PLCD1: variants seen among roughly 807,000 people sequenced by gnomAD.
The protein encoded by PLCD1 is 1-phosphatidylinositol 4,5-bisphosphate phosphodiesterase delta-1.
Under a neutral mutation model 87.4 loss-of-function variants are expected in PLCD1, and 71 were observed. The observed-to-expected ratio is 0.81, with a 90% CI of 0.67 to 0.99. The LOEUF is 0.99. Among genes scored for constraint, PLCD1 ranks in the 50% least tolerant of loss-of-function variants. The pLI, the probability that PLCD1 is intolerant of heterozygous loss-of-function variation, is 0.00. For missense variants in PLCD1, 867 were observed against 1,001.5 expected (o/e 0.87, Z 1.81); for synonymous variants, 348 against 399.2 (o/e 0.87, Z 1.53).
Position 38,010,209 on chromosome 3 carries a change from G to T in PLCD1, c.1059C>A (p.Ile353=). ...AAGTGAAAGTATAGCCGTGGTAGAT[G>T]ATTGGTTCCTGGTTGGGCCCGTCCC... ...DCWDGPNQEP[I]IYHGYTFTSK... The change falls in exon 7 of 15, where the codon ATC becomes ATA. Residue 353 remains isoleucine (I), a synonymous_variant. Transcript: ENST00000334661. 1 of 1,614,234 alleles carries T rather than the reference G, an allele frequency of 6.2e-7. No homozygotes were observed. The highest frequency in any genetic ancestry group is 2.2e-5 in the East Asian group (1 of 44,882).
At position 38,024,904 on chromosome 3, in the gene PLCD1, G is replaced by A. The variant is rs555725380; in HGVS notation, c.35-4552C>T. On this transcript the variant is annotated intron_variant, in intron 1 of 14. Coordinates refer to ENST00000334661, the MANE Select transcript of PLCD1 (RefSeq NM_006225.4). ...GGTGTCGAGGCGTGGGTGGGGATGG[G>A]GGTGGATCCAGAACCCAGGAGGCGG... 197 of 325,258 alleles carry A rather than the reference G, an allele frequency of 6.1e-4. 4 individuals carry two copies. The highest frequency in any genetic ancestry group is 7.4e-4 in the South Asian group (27 of 36,542). 20.1% of individuals were successfully genotyped at this position (325,258 alleles called of 1,614,324 possible).
At chr3:38,010,702 GAT>G (rs1359799912) in intron 5 of PLCD1, 140 bp from the exon 6 acceptor site, 1 of 692,208 alleles carries the variant, frequency 1.4e-6, no homozygotes, top group Non-Finnish European at 2.5e-6. Flanking sequence ...TTGGAATTAG[GAT>G]AAGTCTGAGG....
At chr3:38,024,723 G>A in intron 1 of PLCD1, 2 of 1,423,582 alleles carry the variant, frequency 1.4e-6, no homozygotes, top group East Asian at 3.0e-5. Flanking sequence ...GGTGAGGCGA[G>A]AGCGAAACCG....
Position 38,007,581 on chromosome 3 carries a change from T to A in PLCD1, c.*192A>T, listed in dbSNP as rs901397770. 4 of 700,116 alleles carry A rather than the reference T, an allele frequency of 5.7e-6. No homozygotes were observed. The highest frequency in any genetic ancestry group is 1.0e-5 in the Non-Finnish European group (4 of 384,162). 43.4% of individuals were successfully genotyped at this position (700,116 alleles called of 1,614,324 possible). On this transcript the variant is annotated 3_prime_UTR_variant, in exon 15 of 15. Transcript: ENST00000334661. ...GGCTGCAGTGTTATTCCTAACGGAA[T>A]GAAGGACAGCTCCAGGGACTGGGCT...
At chr3:38,013,201 TA>T (rs1700108046) in intron 3 of PLCD1, among the ~76,000 whole-genome samples, 1 of 150,338 alleles carries the variant, frequency 6.7e-6, no homozygotes, top group African/African-American at 2.5e-5. Context: ...TTCTGGATTT[TA>T]ATTTTCTTTT....
chr3:38,017,511 T>C lies in PLCD1; in HGVS notation c.200-792A>G, dbSNP rs1700176307. ...CTTAGGGGAGCCAAGGGGAGGGCCC[T>C]CCCCTCACACCCAGCCTTCCAAGCT... On this transcript the variant is annotated intron_variant, in intron 2 of 14. Transcript: ENST00000334661. The surrounding 1 kb of genome is among the most constrained non-coding windows in gnomAD (Gnocchi z 4.7). Among the ~76,000 whole-genome samples, 1 of 151,978 alleles carries C rather than the reference T, an allele frequency of 6.6e-6. No homozygotes were observed. Among genetic ancestry groups the C allele is most frequent in the South Asian group, 2.1e-4 (1 of 4,824 alleles).
chr3:38,009,532 C>T lies in PLCD1; in HGVS notation c.1447-101G>A, dbSNP rs556981408. ...GCGCAGAGAGACAGAGGGAGACAGA[C>T]AGAGAGAGCGGGGCAGAGGGTCTGA... On this transcript the variant is annotated intron_variant, in intron 9 of 14. Transcript: ENST00000334661. 1.4e-5 allele frequency: 22 copies of T among 1,558,870 alleles called. No homozygotes were observed. In the East Asian group the frequency reaches 4.5e-4, roughly 32 times the overall value.
rs770726667 is a variant in PLCD1, at chr3:38,011,357, C to CGGT, written c.644_646dup (p.Asp215_Arg216insHis). 6.2e-7 allele frequency: 1 copy of CGGT among 1,612,938 alleles called. No homozygotes were observed. Among genetic ancestry groups the CGGT allele is most frequent in the Non-Finnish European group, 8.5e-7 (1 of 1,180,012 alleles). On this transcript the variant is annotated inframe_insertion, in exon 5 of 15. Coordinates refer to ENST00000334661, the MANE Select transcript of PLCD1 (RefSeq NM_006225.4). The stretch of plus-strand genomic sequence containing the variant: ...TGAGCCCGCGGCCTCGGCGAAGGTG[C>CGGT]GGTCGATCTCCACCCGCTGGGTCAG...
At chr3:38,023,183 G>A (rs6797593) in intron 1 of PLCD1, among the ~76,000 whole-genome samples, 4,747 of 151,972 alleles carry the variant, frequency 0.031, 265 homozygotes, top group African/African-American at 0.11. Context: ...GACACACTGG[G>A]CCTGGGACCC....
In PLCD1 at chr3:38,009,342, G is replaced by A. The variant is rs776234775; in HGVS notation, c.1536C>T (p.Thr512=). 1.9e-6 allele frequency: 3 copies of A among 1,613,872 alleles called. No homozygotes were observed. The highest frequency in any genetic ancestry group is 3.3e-5 in the Admixed American group (2 of 60,016). Reference sequence around the variant, plus strand: ...CCATCTCGTAGAAGGCCTGTCCAGGGGTGCCAGGACTGGAGAAGCCCCCAA... The same window carrying A: ...CCATCTCGTAGAAGGCCTGTCCAGGAGTGCCAGGACTGGAGAAGCCCCCAA... ...VHFGGFSSPG[T]PGQAFYEMAS... Residue 512 remains threonine (T), a synonymous_variant, in exon 10 of 15, where the codon ACC becomes ACT. Coordinates refer to ENST00000334661, the MANE Select transcript of PLCD1 (RefSeq NM_006225.4).
In PLCD1 at chr3:38,025,017, G is replaced by A. The variant is rs1455163370; in HGVS notation, c.34+4489C>T. On this transcript the variant is annotated intron_variant, in intron 1 of 14. Coordinates refer to ENST00000334661, the MANE Select transcript of PLCD1 (RefSeq NM_006225.4). This position sits in a 1 kb window ranked among gnomAD's most constrained non-coding sequence, Gnocchi z 4.0. ...ATCTGTGTCGAAGCCTGGGGGCGGG[G>A]CCAGAGCCAAGGCAGCGGGGCGAAG... is the stretch of plus-strand genomic sequence containing the variant. 2.6e-5 allele frequency among the ~76,000 whole-genome samples: 4 copies of A among 152,196 alleles called. No individual in the cohort carries two copies. The South Asian group carries it at 8.3e-4, about 31-fold the overall frequency.
chr3:38,028,674 C>A (rs1227177178), intron 1 of PLCD1, among the ~76,000 whole-genome samples: 2 of 152,188 alleles, frequency 1.3e-5, no homozygotes. Context: ...AGGGCAAGCC[C>A]CCACCAAGAG....
rs1700300488 is a variant in PLCD1 at position 38,025,564 on chromosome 3, C to T, written c.34+3942G>A. Among the ~76,000 whole-genome samples the T allele has an allele frequency of 1.3e-5, 2 of 152,174 alleles. No homozygotes were observed. The highest frequency in any genetic ancestry group is 1.3e-4 in the Admixed American group (2 of 15,276). On this transcript the variant is annotated intron_variant, in intron 1 of 14. Coordinates refer to ENST00000334661, the MANE Select transcript of PLCD1 (RefSeq NM_006225.4). The surrounding 1 kb of genome is among the most constrained non-coding windows in gnomAD (Gnocchi z 4.0). ...GGCCTGTTTGCTTCTCTCGGTTTGA[C>T]CACCAAAGTGATAATCCCCAAGGTG...
Position 38,009,448 on chromosome 3 carries a change from G to A in PLCD1, c.1447-17C>T. On this transcript the variant is annotated splice_polypyrimidine_tract_variant and intron_variant, in intron 9 of 14. Transcript: ENST00000334661. ...CTTGTCCTCCTGGGGAACACGGGGAGGCCCGGGTTAGATTCAGTGGTTGGG... is the reference window on the plus strand; with the variant it reads ...CTTGTCCTCCTGGGGAACACGGGGAAGCCCGGGTTAGATTCAGTGGTTGGG... 6.2e-7 allele frequency: 1 copy of A among 1,613,966 alleles called. No individual in the cohort carries two copies. Among genetic ancestry groups the A allele is most frequent in the Non-Finnish European group, 8.5e-7 (1 of 1,179,858 alleles).
At chr3:38,013,110 G>A (rs760127343) in intron 3 of PLCD1, among the ~76,000 whole-genome samples, 5 of 151,636 alleles carry the variant, frequency 3.3e-5, no homozygotes, top group Non-Finnish European at 2.9e-5. Flanking sequence ...GACTAGTCTC[G>A]AACTCCTAAG....
intron 1 of PLCD1, among the ~76,000 whole-genome samples, chr3:38,022,371 G>A (rs1440245844): frequency 6.6e-6 from 1 of 152,226 alleles, no homozygotes; most frequent in Non-Finnish European, 1.5e-5. Context: ...GCCTCCGGCG[G>A]GGAATTCCAC....
Position 38,011,607 on chromosome 3 carries a change from C to T in PLCD1, c.495G>A (p.Leu165=), listed in dbSNP as rs1188009015. 2 of 1,614,146 alleles carry T rather than the reference C, an allele frequency of 1.2e-6. No homozygotes were observed. Among genetic ancestry groups the T allele is most frequent in the South Asian group, 2.2e-5 (2 of 91,090 alleles). Residue 165 remains leucine, a synonymous_variant, in exon 4 of 15, where the codon CTG becomes CTA. Coordinates refer to ENST00000334661, the MANE Select transcript of PLCD1 (RefSeq NM_006225.4). ...TGTTGAGCTCCTTCAGGAAGTTCTGCAGCTCCTTGAAGCTCATCTTGTTGT... is the reference window on the plus strand; with the variant it reads ...TGTTGAGCTCCTTCAGGAAGTTCTGTAGCTCCTTGAAGCTCATCTTGTTGT... ...NKDNKMSFKE[L]QNFLKELNIQ... is the part of the protein sequence containing the mutation.
intron 3 of PLCD1, among the ~76,000 whole-genome samples, chr3:38,013,820 AG>A (rs1397593577): frequency 6.6e-6 from 1 of 152,260 alleles, no homozygotes; most frequent in African/African-American, 2.4e-5. Flanking sequence ...GCTCACAATC[AG>A]GCAGATGTGC....
rs1699985560 is a variant in PLCD1 at position 38,007,803 on chromosome 3, G to T, written c.2241C>A (p.Thr747=). 6.2e-7 allele frequency: 1 copy of T among 1,614,062 alleles called. No homozygotes were observed. The highest frequency in any genetic ancestry group is 1.3e-5 in the African/African-American group (1 of 74,938). Residue 747 remains threonine, a synonymous_variant, in exon 15 of 15, where the codon ACC becomes ACA. Transcript: ENST00000334661. Reference sequence around the variant, plus strand: ...CCTGGAGGGAGATCTTCACAAAGAGGGTGGCTGATGGATGCTGGTCCCCGT... The same window carrying T: ...CCTGGAGGGAGATCTTCACAAAGAGTGTGGCTGATGGATGCTGGTCCCCGT... The part of the protein sequence containing the change: ...SKNGDQHPSA[T]LFVKISLQD
Sources: allele counts gnomAD v4.1 joint callset (sites outside exome capture counted in the v4.1 genomes callset), GRCh38; gene constraint gnomAD v4.1.1; non-coding constraint Gnocchi (gnomAD v3.1); transcripts MANE v1.5; gene names NCBI Gene and HGNC (gene_info 2026-07-23, HGNC 2026-07-21).